Variants in KLHL1 observed in about 807,000 individuals in gnomAD.
KLHL1 encodes the protein kelch-like protein 1.
A neutral mutation model predicts 77.7 loss-of-function variants in KLHL1; 47 were observed. The ratio of observed to expected loss-of-function variants is 0.60; its 90% CI spans 0.48 to 0.77. The LOEUF is 0.77. Ranked by LOEUF, KLHL1 falls within the 30% of genes least tolerant of loss-of-function variation. KLHL1 has a pLI of 0.00. For missense variants in KLHL1, 925 were observed against 910.8 expected, an observed-to-expected ratio of 1.02 and a Z score of -0.20; for synonymous variants, 360 against 325.2, an observed-to-expected ratio of 1.11 and a Z score of -1.15.
intron 2 of KLHL1, among the ~76,000 whole-genome samples, chr13:69,969,902 G>T (rs2137283071): frequency 6.7e-6 from 1 of 149,384 alleles, no homozygotes; most frequent in South Asian, 2.2e-4. Flanking sequence ...TCTTATTGAG[G>T]TCACTACAAA....
chr13:70,052,346 A>G (rs1479944505), intron 1 of KLHL1, among the ~76,000 whole-genome samples: 1 of 151,926 alleles, frequency 6.6e-6, no homozygotes, highest in African/African-American at 2.4e-5. Flanking sequence ...AGAAAAAAAA[A>G]TATTTAAGTT....
chr13:70,056,663 CA>C (rs1886751948), intron 1 of KLHL1, among the ~76,000 whole-genome samples: 1 of 151,958 alleles, frequency 6.6e-6, no homozygotes, highest in Non-Finnish European at 1.5e-5. Flanking sequence ...AAATAAGTAA[CA>C]AGAGGTACTT....
chr13:70,040,207 T>C (rs1886341784), intron 1 of KLHL1, among the ~76,000 whole-genome samples: 1 of 152,180 alleles, frequency 6.6e-6, no homozygotes, highest in Admixed American at 6.5e-5. Flanking sequence ...ATGTTTTTAC[T>C]TACTGATGGT....
rs955664087 is a variant in KLHL1, at chr13:69,969,026, A to C, written c.680+6594T>G. Among the ~76,000 whole-genome samples, 16 of 149,144 alleles carry C rather than the reference A, an allele frequency of 1.1e-4. 1 individual carries two copies. The highest frequency in any genetic ancestry group is 2.0e-4 in the Admixed American group (3 of 14,712). On this transcript the variant is annotated intron_variant, in intron 2 of 10. Coordinates refer to ENST00000377844, the MANE Select transcript of KLHL1 (RefSeq NM_020866.3). ...AAAAGAAAGGAAGTTAGATCAATACAGGAAATTATTATCTAAAACTTTTTA... is the reference window on the plus strand; with the variant it reads ...AAAAGAAAGGAAGTTAGATCAATACCGGAAATTATTATCTAAAACTTTTTA...
intron 4 of KLHL1, among the ~76,000 whole-genome samples, chr13:69,939,648 T>C (rs117588917): frequency 1.3e-5 from 2 of 151,952 alleles, no homozygotes; most frequent in African/African-American, 2.4e-5. Flanking sequence ...TAAGTGTGCA[T>C]AAAGCCATAA....
chr13:69,857,340 T>G (rs1879959058), intron 5 of KLHL1, among the ~76,000 whole-genome samples: 1 of 152,050 alleles, frequency 6.6e-6, no homozygotes, highest in Non-Finnish European at 1.5e-5. Flanking sequence ...CCTCCCTTTG[T>G]GCCTCCTATT....
At chr13:70,094,623 T>C (rs1398670943) in intron 1 of KLHL1, among the ~76,000 whole-genome samples, 1 of 152,118 alleles carries the variant, frequency 6.6e-6, no homozygotes, top group Non-Finnish European at 1.5e-5. Context: ...TACCTCCAAG[T>C]AAAGCAAGAG....
chr13:70,093,580 A>G (rs1296069155), intron 1 of KLHL1, among the ~76,000 whole-genome samples: 1 of 152,180 alleles, frequency 6.6e-6, no homozygotes, highest in African/African-American at 2.4e-5. Context: ...ATCATAAGAA[A>G]AATATATTTA....
chr13:69,848,836 A>T (rs1004338027), intron 5 of KLHL1, among the ~76,000 whole-genome samples: 4 of 151,560 alleles, frequency 2.6e-5, no homozygotes, highest in Non-Finnish European at 4.4e-5. Context: ...ACAGAAGAAT[A>T]ATGACATAAT....
intron 5 of KLHL1, among the ~76,000 whole-genome samples, chr13:69,850,460 AT>A (rs995262424): frequency 5.3e-5 from 8 of 151,444 alleles, no homozygotes; most frequent in Admixed American, 6.6e-5. Context: ...AATACAGTTG[AT>A]TACTATAATA....
chr13:69,846,372 A>G (rs145290491), intron 5 of KLHL1, among the ~76,000 whole-genome samples: 4 of 151,620 alleles, frequency 2.6e-5, no homozygotes, highest in African/African-American at 9.6e-5. Flanking sequence ...CAGGAAATAT[A>G]TAGGATAAAC....
At chr13:69,868,716 TA>T (rs1439899571) in intron 5 of KLHL1, among the ~76,000 whole-genome samples, 2 of 151,762 alleles carry the variant, frequency 1.3e-5, no homozygotes, top group East Asian at 3.9e-4. Flanking sequence ...TGTCAAAAGA[TA>T]ATTTTTTTTT....
chr13:69,756,216 G>A (rs1224517506), intron 7 of KLHL1, among the ~76,000 whole-genome samples: 2 of 152,078 alleles, frequency 1.3e-5, no homozygotes, highest in African/African-American at 2.4e-5. Context: ...ATCTACATAT[G>A]TTGAGGTTGG....
At chr13:69,879,390 A>T (rs757029867) in intron 5 of KLHL1, among the ~76,000 whole-genome samples, 7 of 152,084 alleles carry the variant, frequency 4.6e-5, no homozygotes, top group Non-Finnish European at 8.8e-5. Flanking sequence ...CATTCATCTA[A>T]CATATTGTGT....
In KLHL1 at chr13:70,107,534, G is replaced by T. The variant is rs1049974608; in HGVS notation, c.166C>A (p.Leu56Met). The change falls in exon 1 of 11, where the codon CTG (leucine) becomes ATG (methionine). Residue 56 changes from leucine (L) to methionine (M), a missense_variant. Transcript: ENST00000377844. The part of the protein sequence containing the change: ...FEHWGPSQSR[L>M]LKSQERSGVS... ...CCGCTTCTCTCTTGGCTTTTGAGCA[G>T]GCGACTCTGGCTGGGTCCCCAGTGC... is the stretch of plus-strand genomic sequence containing the variant. 6.2e-7 allele frequency: 1 copy of T among 1,610,438 alleles called. No homozygotes were observed. The highest frequency in any genetic ancestry group is 1.3e-5 in the African/African-American group (1 of 74,868).
At chr13:70,013,574 G>T (rs1481611424) in intron 1 of KLHL1, among the ~76,000 whole-genome samples, 1 of 152,094 alleles carries the variant, frequency 6.6e-6, no homozygotes, top group Admixed American at 6.5e-5. Flanking sequence ...GACTGCAACT[G>T]TTTCTTGATT....
intron 5 of KLHL1, among the ~76,000 whole-genome samples, chr13:69,853,401 T>C (rs1460642173): frequency 6.6e-6 from 1 of 151,982 alleles, no homozygotes; most frequent in Non-Finnish European, 1.5e-5. Context: ...TCCACCATGA[T>C]TGTAAGTTTC....
chr13:69,743,633 A>G (rs903161367), intron 7 of KLHL1, among the ~76,000 whole-genome samples: 4 of 152,062 alleles, frequency 2.6e-5, no homozygotes, highest in Admixed American at 6.6e-5. Context: ...TAAAAATACA[A>G]AAATTAGCTG....
At chr13:69,871,577 C>A (rs1372818732) in intron 5 of KLHL1, among the ~76,000 whole-genome samples, 1 of 152,086 alleles carries the variant, frequency 6.6e-6, no homozygotes, top group African/African-American at 2.4e-5. Context: ...CATTCCTTGG[C>A]TGCTGATATG....
Sources: allele counts gnomAD v4.1 joint callset (sites outside exome capture counted in the v4.1 genomes callset), GRCh38; gene constraint gnomAD v4.1.1; transcripts MANE v1.5; gene names NCBI Gene and HGNC (gene_info 2026-07-23, HGNC 2026-07-21).